The following SLC16A10 variants were observed in gnomAD, a reference collection of about 807,000 sequenced individuals.
The protein encoded by SLC16A10 is monocarboxylate transporter 10.
Under a neutral mutation model 40.0 loss-of-function variants are expected in SLC16A10, and 27 were observed. The observed-to-expected ratio is 0.67, with a 90% CI of 0.50 to 0.93. SLC16A10 has a LOEUF of 0.93. Among genes scored for constraint, SLC16A10 ranks in the 40% least tolerant of loss-of-function variants. The pLI, the probability that SLC16A10 is intolerant of heterozygous loss-of-function variation, is 0.00. For synonymous variants in SLC16A10, 213 were observed against 249.8 expected (o/e 0.85, Z 1.39); for missense variants, 529 against 658.2 (o/e 0.80, Z 2.15).
At chr6:111,098,027 C>T (rs571741530) in intron 1 of SLC16A10, among the ~76,000 whole-genome samples, 41 of 152,186 alleles carry the variant, frequency 2.7e-4, no homozygotes, top group Middle Eastern at 6.8e-3. Context: ...TGATGGAGGC[C>T]GGGTGCCGTG....
intron 2 of SLC16A10, 37 bp downstream of exon 2, chr6:111,172,876 CT>C (rs779272311): frequency 8.7e-6 from 14 of 1,600,046 alleles, no homozygotes; most frequent in Non-Finnish European, 1.2e-5. Context: ...TTTTTAAAAA[CT>C]GTTAGATACC....
chr6:111,196,429 A>G (rs576336298), intron 3 of SLC16A10, among the ~76,000 whole-genome samples: 1 of 152,312 alleles, frequency 6.6e-6, no homozygotes, highest in South Asian at 2.1e-4. Flanking sequence ...GGTGGCAGTG[A>G]GCTGTGATCG....
chr6:111,167,065 G>T (rs1030210622), intron 1 of SLC16A10, among the ~76,000 whole-genome samples: 5 of 152,206 alleles, frequency 3.3e-5, no homozygotes, highest in African/African-American at 1.2e-4. Flanking sequence ...AAAATTATTG[G>T]AAGGTAGAGA....
intron 1 of SLC16A10, among the ~76,000 whole-genome samples, chr6:111,098,074 A>G (rs1378751930): frequency 6.6e-6 from 1 of 152,146 alleles, no homozygotes; most frequent in Non-Finnish European, 1.5e-5. Flanking sequence ...TGGGAGGCCG[A>G]GGTGGGCGGA....
intron 1 of SLC16A10, among the ~76,000 whole-genome samples, chr6:111,092,605 C>T (rs958436312): frequency 1.4e-4 from 21 of 151,820 alleles, no homozygotes; most frequent in Admixed American, 9.2e-4. Flanking sequence ...TAAGCCACCG[C>T]GCCTGGCCAA....
intron 1 of SLC16A10, among the ~76,000 whole-genome samples, chr6:111,107,681 G>A (rs1011412829): frequency 3.3e-5 from 5 of 152,204 alleles, no homozygotes; most frequent in African/African-American, 1.2e-4. Context: ...CCAGTATGAT[G>A]CTGAAGACAA....
intron 4 of SLC16A10, among the ~76,000 whole-genome samples, chr6:111,217,357 A>G (rs1413012111): frequency 2.0e-5 from 3 of 152,250 alleles, no homozygotes; most frequent in Admixed American, 2.0e-4. Flanking sequence ...TAAATAAATG[A>G]TAGTTGCTAT....
chr6:111,142,133 C>G (rs1003974569), intron 1 of SLC16A10, among the ~76,000 whole-genome samples: 4 of 152,154 alleles, frequency 2.6e-5, no homozygotes, highest in Admixed American at 6.5e-5. Flanking sequence ...TGTAAAGCTA[C>G]AGTAATCAGA....
intron 1 of SLC16A10, among the ~76,000 whole-genome samples, chr6:111,139,092 C>CTTCTTTTTTTTTT (rs202229156): frequency 2.5e-5 from 3 of 118,886 alleles, no homozygotes; most frequent in Non-Finnish European, 3.3e-5. Flanking sequence ...TCTTCTTCTT[C>CTTCTTTTTTTTTT]TTTTTTTTTT....
At chr6:111,101,004 A>C (rs1029658460) in intron 1 of SLC16A10, among the ~76,000 whole-genome samples, 21 of 140,756 alleles carry the variant, frequency 1.5e-4, no homozygotes, top group African/African-American at 4.8e-4. Context: ...ATATATATAT[A>C]TATATATATA....
intron 2 of SLC16A10, among the ~76,000 whole-genome samples, chr6:111,174,469 A>G (rs1399527964): frequency 6.6e-6 from 1 of 151,002 alleles, no homozygotes; most frequent in Non-Finnish European, 1.5e-5. Context: ...TTTAAAAATT[A>G]TATTTATTTC....
At position 111,230,709 on chromosome 6, in the gene SLC16A10, A is replaced by ATT. The variant is rs1162563612; in HGVS notation, c.*8474_*8475insTT. ...TGAACCCTGTAGTTATTACTGAAAG[A>ATT]GAGTGTGGATATTTTAAGTATCTCC... is the stretch of plus-strand genomic sequence containing the variant. On this transcript the variant is annotated 3_prime_UTR_variant, in exon 6 of 6. Transcript: ENST00000368851. 1 of 152,252 alleles carries ATT rather than the reference A, an allele frequency of 6.6e-6. No individual in the cohort carries two copies. Among genetic ancestry groups the ATT allele is most frequent in the Non-Finnish European group, 1.5e-5 (1 of 68,042 alleles). 9.4% of individuals were successfully genotyped at this position (152,252 alleles called of 1,614,324 possible). A position where few individuals can be genotyped will look rare whatever the true frequency, so the allele number is the denominator to read the frequency against.
intron 1 of SLC16A10, among the ~76,000 whole-genome samples, chr6:111,150,713 A>G (rs1772158443): frequency 1.3e-5 from 2 of 152,226 alleles, no homozygotes; most frequent in Admixed American, 1.3e-4. Context: ...AAAGGCCTCA[A>G]TCAGACAGAT....
chr6:111,190,414 G>A (rs1345223532), intron 3 of SLC16A10, among the ~76,000 whole-genome samples: 2 of 152,214 alleles, frequency 1.3e-5, no homozygotes, highest in East Asian at 1.9e-4. Context: ...CCATTCTGGG[G>A]TCTGGAGGAC....
At chr6:111,127,726 C>A (rs1471809164) in intron 1 of SLC16A10, among the ~76,000 whole-genome samples, 1 of 152,212 alleles carries the variant, frequency 6.6e-6, no homozygotes, top group East Asian at 1.9e-4. Flanking sequence ...TCTAAAGTGG[C>A]ATTATGGTTC....
chr6:111,160,490 A>G (rs774352570), intron 1 of SLC16A10, among the ~76,000 whole-genome samples: 53 of 152,166 alleles, frequency 3.5e-4, no homozygotes, highest in Non-Finnish European at 5.6e-4. Flanking sequence ...GATCTGCCCA[A>G]CTCAGCCTCC....
chr6:111,171,198 G>A (rs932124906), intron 1 of SLC16A10, among the ~76,000 whole-genome samples: 2 of 152,176 alleles, frequency 1.3e-5, no homozygotes, highest in Non-Finnish European at 2.9e-5. Flanking sequence ...TGCATGTCTT[G>A]ATTGGATTGT....
chr6:111,170,649 A>G (rs532653652), intron 1 of SLC16A10, among the ~76,000 whole-genome samples: 6 of 151,964 alleles, frequency 3.9e-5, no homozygotes, highest in Non-Finnish European at 7.4e-5. Flanking sequence ...GAGTTTCACC[A>G]TGTTGGCCAG....
intron 1 of SLC16A10, among the ~76,000 whole-genome samples, chr6:111,138,399 A>G (rs1310421535): frequency 2.0e-5 from 3 of 152,232 alleles, no homozygotes; most frequent in African/African-American, 4.8e-5. Flanking sequence ...TTTCTAAATC[A>G]TTCCTCTGCT....
Sources: allele counts gnomAD v4.1 joint callset (sites outside exome capture counted in the v4.1 genomes callset), GRCh38; gene constraint gnomAD v4.1.1; transcripts MANE v1.5; gene names NCBI Gene and HGNC (gene_info 2026-07-23, HGNC 2026-07-21).